Variants in SEC24A observed in about 807,000 individuals in gnomAD.
SEC24A encodes the protein protein transport protein Sec24A.
Under a neutral mutation model 129.4 loss-of-function variants are expected in SEC24A, and 93 were observed. That is an observed-to-expected ratio of 0.72 (90% CI 0.61 to 0.85). The LOEUF (loss-of-function observed/expected upper bound fraction) is 0.85. Ranked by LOEUF, SEC24A falls within the 40% of genes least tolerant of loss-of-function variation. The pLI is 0.00. For synonymous variants in SEC24A, 460 were observed against 467.3 expected (o/e 0.98, Z 0.20); for missense variants, 1,264 against 1,307.4 (o/e 0.97, Z 0.51).
chr5:134,707,583 C>A (rs916329794), intron 17 of SEC24A, among the ~76,000 whole-genome samples: 1 of 152,130 alleles, frequency 6.6e-6, no homozygotes, highest in Non-Finnish European at 1.5e-5. Context: ...CCCGCCTCGG[C>A]CTGCCAAAGT....
chr5:134,673,158 C>A (rs1750931903), intron 4 of SEC24A, among the ~76,000 whole-genome samples: 1 of 149,726 alleles, frequency 6.7e-6, no homozygotes, highest in South Asian at 2.1e-4. Context: ...CTGGTTCAAG[C>A]GATTCTCCTG....
chr5:134,654,693 C>A (rs958064081), intron 1 of SEC24A, among the ~76,000 whole-genome samples: 1 of 152,046 alleles, frequency 6.6e-6, no homozygotes, highest in African/African-American at 2.4e-5. Flanking sequence ...CTTGCAAAGC[C>A]AGTTAGAAAC....
intron 4 of SEC24A, among the ~76,000 whole-genome samples, chr5:134,672,928 G>T (rs1423518600): frequency 1.3e-5 from 2 of 151,624 alleles, no homozygotes; most frequent in East Asian, 3.9e-4. Context: ...AGAGATGGGG[G>T]GGTGGGTCTC....
chr5:134,724,565 G>T (rs953018901), intron 22 of SEC24A, among the ~76,000 whole-genome samples: 1 of 150,422 alleles, frequency 6.6e-6, no homozygotes, highest in Admixed American at 6.6e-5. Context: ...TCCAGCCTGG[G>T]CAACAAGAGT....
chr5:134,681,349 G>A (rs1470069632), intron 8 of SEC24A, among the ~76,000 whole-genome samples: 2 of 151,916 alleles, frequency 1.3e-5, no homozygotes, highest in African/African-American at 4.8e-5. Context: ...GCAGTGAACC[G>A]AGATTGCACC....
At chr5:134,687,860 C>T (rs1030221585) in intron 10 of SEC24A, among the ~76,000 whole-genome samples, 2 of 152,096 alleles carry the variant, frequency 1.3e-5, no homozygotes, top group African/African-American at 4.8e-5. Context: ...TTAAAATCAT[C>T]TGCAAAATTT....
rs537328790 is a variant in SEC24A, at chr5:134,720,005, A to C, written c.2971-993A>C. Reference sequence around the variant, plus strand: ...CGTCTCAAAAAAAAAAATTAAAAGAAGTTTATAAAGTTATAGTAAACTACG... The same window carrying C: ...CGTCTCAAAAAAAAAAATTAAAAGACGTTTATAAAGTTATAGTAAACTACG... On this transcript the variant is annotated intron_variant, in intron 20 of 22. Coordinates refer to ENST00000398844, the MANE Select transcript of SEC24A (RefSeq NM_021982.3). Among the ~76,000 whole-genome samples the C allele has an allele frequency of 3.3e-5, 5 of 152,370 alleles. No homozygotes were observed. The South Asian group carries it at 1.0e-3, about 32-fold the overall frequency.
At chr5:134,692,682 A>G (rs775662260) in intron 12 of SEC24A, 25 bp downstream of exon 12, 3 of 1,280,702 alleles carry the variant, frequency 2.3e-6, no homozygotes, top group Non-Finnish European at 3.4e-6. Flanking sequence ...CCTACCTGAC[A>G]TGTTTAATTG....
At chr5:134,706,911 A>G (rs1752175799) in intron 17 of SEC24A, among the ~76,000 whole-genome samples, 1 of 151,792 alleles carries the variant, frequency 6.6e-6, no homozygotes, top group Non-Finnish European at 1.5e-5. Context: ...GGATGGTCTC[A>G]ATCTCTTGAC....
In SEC24A at chr5:134,675,349, C is replaced by CT. The variant is rs1580699438; in HGVS notation, c.1151+136dup. The CT allele has an allele frequency of 3.5e-5, 23 of 652,252 alleles. No homozygotes were observed. In the East Asian group the frequency reaches 6.0e-4, roughly 17 times the overall value. The allele number at this position is 652,252 out of a possible 1,614,324, so 40.4% of individuals were successfully genotyped here. ...AGTTCTGGATACAGATGATAGAACT[C>CT]TTTTACTTGTTTACTTAATAGAGAT... is the stretch of plus-strand genomic sequence containing the variant. On this transcript the variant is annotated intron_variant, in intron 6 of 22. Coordinates refer to ENST00000398844, the MANE Select transcript of SEC24A (RefSeq NM_021982.3).
At chr5:134,707,487 AC>A (rs1752199954) in intron 17 of SEC24A, among the ~76,000 whole-genome samples, 2 of 151,302 alleles carry the variant, frequency 1.3e-5, no homozygotes, top group African/African-American at 4.9e-5. Flanking sequence ...CCGCCATCAC[AC>A]CCGGCTAATT....
intron 12 of SEC24A, chr5:134,693,130 G>T: frequency 6.5e-7 from 1 of 1,535,556 alleles, no homozygotes; most frequent in South Asian, 1.2e-5. Context: ...CTGAAGGGGG[G>T]ATGTTGTCTA....
intron 1 of SEC24A, among the ~76,000 whole-genome samples, chr5:134,659,314 C>T (rs1328553702): frequency 4.6e-5 from 7 of 151,926 alleles, no homozygotes; most frequent in African/African-American, 1.2e-4. Context: ...CCTCGTGATC[C>T]GCCCGCCTTG....
chr5:134,702,971 C>T (rs545574326), intron 15 of SEC24A, among the ~76,000 whole-genome samples: 1 of 151,778 alleles, frequency 6.6e-6, no homozygotes, highest in Non-Finnish European at 1.5e-5. Context: ...CACCATGTTG[C>T]CAAGGCTGGT....
At chr5:134,704,076 ATTTAT>A (rs1185189724) in intron 16 of SEC24A, 144 bp downstream of exon 16, 1 of 389,736 alleles carries the variant, frequency 2.6e-6, no homozygotes, top group Non-Finnish European at 4.5e-6. Flanking sequence ...TTATTTATTT[ATTTAT>A]TTATGTAGAG....
intron 15 of SEC24A, among the ~76,000 whole-genome samples, chr5:134,698,714 C>T (rs1751908711): frequency 6.6e-6 from 1 of 150,840 alleles, no homozygotes; most frequent in Non-Finnish European, 1.5e-5. Flanking sequence ...TAACTGCAAC[C>T]TCCACCTCTC....
rs1181163670 is a variant in SEC24A at position 134,666,911 on chromosome 5, A to C, written c.654A>C (p.Pro218=). 1 of 1,607,284 alleles carries C rather than the reference A, an allele frequency of 6.2e-7. No individual in the cohort carries two copies. ...APHGPPPAGG[P]PPVRALTPLT... ...ATGGGCCCCCTCCAGCTGGAGGCCC[A>C]CCCCCAGTGAGGGCCCTCACGCCCC... Residue 218 remains proline (P), a synonymous_variant, in exon 3 of 23, where the codon CCA becomes CCC. Transcript: ENST00000398844.
intron 18 of SEC24A, 45 bp downstream of exon 18, chr5:134,708,933 C>G: frequency 6.4e-7 from 1 of 1,560,816 alleles, no homozygotes; most frequent in Non-Finnish European, 8.8e-7. Flanking sequence ...TGGCCAGGCA[C>G]TGTGGCCTAC....
intron 9 of SEC24A, among the ~76,000 whole-genome samples, chr5:134,684,782 G>A (rs1354774727): frequency 6.6e-6 from 1 of 152,082 alleles, no homozygotes; most frequent in Non-Finnish European, 1.5e-5. Flanking sequence ...CTACAGAGTA[G>A]ATGTTCCTTT....
Sources: gnomAD v4.1 joint callset for allele counts (sites outside exome capture counted in the v4.1 genomes callset) on GRCh38, gnomAD v4.1.1 for gene constraint, MANE v1.5 for transcripts, NCBI Gene and HGNC (gene_info 2026-07-23, HGNC 2026-07-21) for gene names.